Variants in DUSP15 observed in about 807,000 individuals in gnomAD.
The protein encoded by DUSP15 is dual specificity protein phosphatase 15.
Under a neutral mutation model 26.3 loss-of-function variants are expected in DUSP15, and 23 were observed. That is an observed-to-expected ratio of 0.87 (90% CI 0.63 to 1.24). The LOEUF (loss-of-function observed/expected upper bound fraction) is 1.24, where lower values mean the gene tolerates loss of function less well. Ranked by LOEUF, DUSP15 falls within the 50% of genes most tolerant of loss-of-function variation. DUSP15 has a pLI of 0.00. For missense variants in DUSP15, 364 were observed against 320.6 expected (o/e 1.14, Z -1.03); for synonymous variants, 143 against 135.5 (o/e 1.06, Z -0.39).
At chr20:31,869,859 G>A in intron 1 of DUSP15, 2 of 1,410,306 alleles carry the variant, frequency 1.4e-6, no homozygotes, top group South Asian at 1.5e-5. Flanking sequence ...AGAGGAGGAA[G>A]GCAGGTCTTA....
At chr20:31,860,174 T>C (rs1018263003), downstream of DUSP15, among the ~76,000 whole-genome samples, 2 of 152,214 alleles carry the variant, frequency 1.3e-5, no homozygotes, top group Admixed American at 1.3e-4. Flanking sequence ...AGGTACTCAA[T>C]GGACATTTGT....
chr20:31,851,449 G>A (rs959358523), intron 6 of DUSP15, among the ~76,000 whole-genome samples: 2 of 152,108 alleles, frequency 1.3e-5, no homozygotes, highest in Non-Finnish European at 2.9e-5. Context: ...TGGGGGTGGA[G>A]TGATGGACCC....
chr20:31,869,979 A>C, intron 1 of DUSP15: 1 of 1,341,572 alleles, frequency 7.5e-7, no homozygotes, highest in Middle Eastern at 2.8e-4. Flanking sequence ...ATGGAGAAAC[A>C]GCCCCGGAGA....
rs2062642079 is a variant in DUSP15, at chr20:31,861,261, G to A, written c.*142C>T. 5 of 1,361,942 alleles carry A rather than the reference G, an allele frequency of 3.7e-6. No homozygotes were observed. In the East Asian group the frequency reaches 1.2e-4, roughly 34 times the overall value. 84.4% of individuals were successfully genotyped at this position (1,361,942 alleles called of 1,614,324 possible). ...GGGGACGCTGACTGCAGACGCGGAC[G>A]AGCAGGGCGGGCGCGGGAGGCAGGG... On this transcript the variant is annotated 3_prime_UTR_variant, in exon 7 of 7. Coordinates refer to ENST00000339738, the MANE Select transcript of DUSP15 (RefSeq NM_080611.5).
At chr20:31,860,157 A>G (rs370527896), downstream of DUSP15, among the ~76,000 whole-genome samples, 1 of 152,230 alleles carries the variant, frequency 6.6e-6, no homozygotes, top group South Asian at 2.1e-4. Context: ...AATGGCTGGC[A>G]CACAGTAGGT....
At chr20:31,868,476 C>CTTTT (rs35862553) in intron 2 of DUSP15, among the ~76,000 whole-genome samples, 5 of 97,330 alleles carry the variant, frequency 5.1e-5, no homozygotes, top group African/African-American at 8.0e-5. Context: ...TTTTCTTTCT[C>CTTTT]TTTTTTTTTT....
intron 3 of DUSP15, 107 bp downstream of exon 3, chr20:31,866,964 A>T: frequency 1.8e-6 from 2 of 1,133,158 alleles, no homozygotes; most frequent in Non-Finnish European, 2.5e-6. Context: ...CAAATGAGTT[A>T]ACATGAGTCA....
At position 31,861,082 on chromosome 20, in the gene DUSP15, CTG is replaced by C. The variant is rs1451190075; in HGVS notation, c.*319_*320del. 3.4e-6 allele frequency: 4 copies of C among 1,173,754 alleles called. No individual in the cohort carries two copies. The African/African-American group carries it at 4.8e-5, about 14-fold the overall frequency. The allele number at this position is 1,173,754 out of a possible 1,614,324, so 72.7% of individuals were successfully genotyped here. A position where few individuals can be genotyped will look rare whatever the true frequency, so the allele number is the denominator to read the frequency against. ...GAGGCACTCGGACAGGCAGCTTCTTCTGTGTCTCTTTAATACCCTCCAGGCCC... is the reference window on the plus strand; with the variant it reads ...GAGGCACTCGGACAGGCAGCTTCTTCTGTCTCTTTAATACCCTCCAGGCCC... On this transcript the variant is annotated 3_prime_UTR_variant, in exon 7 of 7. Coordinates refer to ENST00000339738, the MANE Select transcript of DUSP15 (RefSeq NM_080611.5).
At chr20:31,852,053 G>T (rs1000249644) in intron 6 of DUSP15, among the ~76,000 whole-genome samples, 4 of 149,868 alleles carry the variant, frequency 2.7e-5, no homozygotes, top group Non-Finnish European at 5.9e-5. Flanking sequence ...TGTTGCCCAG[G>T]CTGGAGTGCA....
At chr20:31,849,882 G>A (rs1485380763) in intron 7 of DUSP15, 1 of 1,486,480 alleles carries the variant, frequency 6.7e-7, no homozygotes, top group Non-Finnish European at 8.9e-7. Context: ...AGGCTGTGGG[G>A]CGAGAGAGGG....
Position 31,865,021 on chromosome 20 carries a change from C to T in DUSP15, c.139-19G>A, listed in dbSNP as rs776960589. ...TGATATCCTGCAAGTACAAAATACA[C>T]TCAGGCAGGGGACCTTGCCTGCAAC... On this transcript the variant is annotated intron_variant, in intron 3 of 6. Transcript: ENST00000339738. 35 of 1,613,980 alleles carry T rather than the reference C, an allele frequency of 2.2e-5. No individual in the cohort carries two copies. The highest frequency in any genetic ancestry group is 2.7e-5 in the Non-Finnish European group (32 of 1,179,992).
downstream of DUSP15, among the ~76,000 whole-genome samples, chr20:31,846,253 CAG>C (rs1176999938): frequency 2.7e-5 from 4 of 150,178 alleles, no homozygotes; most frequent in East Asian, 1.9e-4. Context: ...CACAGACACA[CAG>C]AGACATACAC....
upstream of DUSP15, chr20:31,870,599 G>C: frequency 7.2e-7 from 1 of 1,385,592 alleles, no homozygotes; most frequent in Non-Finnish European, 9.3e-7. This position sits in a 1 kb window ranked among gnomAD's most constrained non-coding sequence, Gnocchi z 6.6. Context: ...TGGGGCCCCC[G>C]CCTCGGGTCG....
At chr20:31,850,591 G>A in intron 7 of DUSP15, 2 of 1,605,456 alleles carry the variant, frequency 1.2e-6, no homozygotes, top group African/African-American at 1.3e-5. Context: ...GGTCGGAGGG[G>A]AGGGGATTTC....
chr20:31,860,181 T>C (rs1287873142), downstream of DUSP15, among the ~76,000 whole-genome samples: 1 of 152,156 alleles, frequency 6.6e-6, no homozygotes, highest in African/African-American at 2.4e-5. Context: ...CAATGGACAT[T>C]TGTTGAATGA....
chr20:31,845,738 C>A (rs756922277), downstream of DUSP15: 12 of 657,392 alleles, frequency 1.8e-5, no homozygotes, highest in East Asian at 2.7e-5. Context: ...CCAAAAGAGG[C>A]GGGCAGGAGA....
chr20:31,849,982 C>T, intron 7 of DUSP15: 3 of 1,367,602 alleles, frequency 2.2e-6, no homozygotes, highest in Middle Eastern at 1.9e-4. Flanking sequence ...GTCCCAGCCT[C>T]TACCTCGGAA....
intron 2 of DUSP15, 67 bp from the exon 3 acceptor site, chr20:31,867,220 A>G: frequency 7.1e-7 from 1 of 1,414,138 alleles, no homozygotes; most frequent in Non-Finnish European, 9.8e-7. Context: ...GTGCGGAGGG[A>G]GCTCACTGCC....
At position 31,849,466 on chromosome 20, in the gene DUSP15, T is replaced by C. The variant is rs1433070897; in HGVS notation, c.628+272A>G. The C allele has an allele frequency of 9.2e-6, 6 of 654,248 alleles. No individual in the cohort carries two copies. In the East Asian group the frequency reaches 1.8e-4, roughly 19 times the overall value. 40.5% of individuals were successfully genotyped at this position (654,248 alleles called of 1,614,324 possible). On this transcript the variant is annotated intron_variant, in intron 8 of 9. Transcript: ENST00000278979. ...TAATGTGCCCACTCTCCTCTGTTCA[T>C]GTTCCTTTGCCCACCGCGTCCTTAT...
Sources: allele counts gnomAD v4.1 joint callset (sites outside exome capture counted in the v4.1 genomes callset), GRCh38; gene constraint gnomAD v4.1.1; non-coding constraint Gnocchi (gnomAD v3.1); transcripts MANE v1.5; gene names NCBI Gene and HGNC (gene_info 2026-07-23, HGNC 2026-07-21).